Variants in RORA observed in about 807,000 individuals in gnomAD.
The protein encoded by RORA is nuclear receptor ROR-alpha.
RORA carries 7 observed loss-of-function variants against 69.5 expected under a neutral mutation model. The observed-to-expected ratio is 0.10, with a 90% CI of 0.06 to 0.19. RORA has a LOEUF of 0.19. Among genes scored for constraint, RORA ranks in the 10% least tolerant of loss-of-function variants. The pLI is 1.00. For missense variants in RORA, 457 were observed against 663.0 expected, an observed-to-expected ratio of 0.69 and a Z score of 3.41; for synonymous variants, 261 against 240.8, an observed-to-expected ratio of 1.08 and a Z score of -0.78.
At chr15:60,763,804 G>A (rs964610523) in intron 1 of RORA, 1 of 152,246 alleles carries the variant, frequency 6.6e-6, no homozygotes, top group Non-Finnish European at 1.5e-5. Context: ...CACCTCCGGA[G>A]GCTTTTATTT....
chr15:60,702,312 A>G (rs995912872), intron 1 of RORA, among the ~76,000 whole-genome samples: 44 of 152,142 alleles, frequency 2.9e-4, no homozygotes, highest in African/African-American at 1.1e-3. Flanking sequence ...TGCAACCTCA[A>G]CCTCTGCCTC....
chr15:60,540,336 T>C (rs2066822015), intron 2 of RORA, among the ~76,000 whole-genome samples: 1 of 152,214 alleles, frequency 6.6e-6, no homozygotes, highest in African/African-American at 2.4e-5. Flanking sequence ...TTTAAAACCA[T>C]ACCAAATCTG....
intron 1 of RORA, among the ~76,000 whole-genome samples, chr15:60,923,077 C>T (rs1476608161): frequency 6.6e-6 from 1 of 152,170 alleles, no homozygotes; most frequent in Non-Finnish European, 1.5e-5. Context: ...ACTTTTTGCA[C>T]TTTGTATCTT....
At chr15:60,834,362 C>T (rs1434203213) in intron 1 of RORA, among the ~76,000 whole-genome samples, 2 of 152,146 alleles carry the variant, frequency 1.3e-5, no homozygotes, top group Non-Finnish European at 2.9e-5. Flanking sequence ...AGGTTAGTTC[C>T]TGTGAACAGC....
intron 1 of RORA, among the ~76,000 whole-genome samples, chr15:61,036,317 T>G (rs1024801848): frequency 6.6e-6 from 1 of 152,116 alleles, no homozygotes; most frequent in Non-Finnish European, 1.5e-5. Flanking sequence ...TTAGAGGAAG[T>G]AGAGGTTTGC....
chr15:60,603,755 C>G (rs111849930), intron 2 of RORA, among the ~76,000 whole-genome samples: 15 of 152,210 alleles, frequency 9.9e-5, no homozygotes, highest in African/African-American at 3.4e-4. Context: ...AGACATATCA[C>G]AATCTTCTCG....
At chr15:60,651,121 G>T (rs560979752) in intron 2 of RORA, among the ~76,000 whole-genome samples, 1 of 152,110 alleles carries the variant, frequency 6.6e-6, no homozygotes, top group Non-Finnish European at 1.5e-5. Flanking sequence ...ATTAGGGAGC[G>T]GATGTGAGGC....
At chr15:61,008,418 A>G (rs1472495758) in intron 1 of RORA, among the ~76,000 whole-genome samples, 4 of 152,142 alleles carry the variant, frequency 2.6e-5, no homozygotes, top group Non-Finnish European at 5.9e-5. Context: ...CAAGCCAGGT[A>G]TATCAGCTGG....
chr15:61,207,540 A>G (rs573239542), intron 1 of RORA, among the ~76,000 whole-genome samples: 1 of 152,340 alleles, frequency 6.6e-6, no homozygotes, highest in East Asian at 1.9e-4. Flanking sequence ...TGTCTTCTCT[A>G]TGGTTTCTCT....
intron 1 of RORA, among the ~76,000 whole-genome samples, chr15:60,855,132 A>G (rs2140418397): frequency 6.6e-6 from 1 of 152,346 alleles, no homozygotes; most frequent in South Asian, 2.1e-4. Flanking sequence ...ATTAGCCCGC[A>G]TATAACTTCT....
chr15:60,921,286 C>G (rs1258687969), intron 1 of RORA, among the ~76,000 whole-genome samples: 2 of 152,168 alleles, frequency 1.3e-5, no homozygotes, highest in Non-Finnish European at 2.9e-5. Flanking sequence ...ACCACTAATT[C>G]CATCCCTAAC....
At chr15:61,204,818 C>A (rs2079925897) in intron 1 of RORA, among the ~76,000 whole-genome samples, 1 of 152,214 alleles carries the variant, frequency 6.6e-6, no homozygotes, top group South Asian at 2.1e-4. Context: ...TGTGCGTGAA[C>A]AGGTCTAAGA....
chr15:60,560,754 G>T lies in RORA; in HGVS notation c.197-28903C>A, dbSNP rs116084442. Among the ~76,000 whole-genome samples the T allele has an allele frequency of 4.7e-3, 716 of 152,296 alleles. 9 individuals are homozygous for T. The highest frequency in any genetic ancestry group is 0.017 in the African/African-American group (689 of 41,554). On this transcript the variant is annotated intron_variant, in intron 2 of 10. Transcript: ENST00000335670. ...ATGACTTTCTTCTTCTAATGTGGCT[G>T]CCTGGGCAATTTGTCCATTTTTTCC... is the stretch of plus-strand genomic sequence containing the variant.
chr15:61,165,317 T>C (rs2079531942), intron 1 of RORA, among the ~76,000 whole-genome samples: 1 of 152,198 alleles, frequency 6.6e-6, no homozygotes, highest in Non-Finnish European at 1.5e-5. Context: ...GCAGGAATCA[T>C]AGCCCCATCT....
At chr15:60,978,704 T>C (rs1893945482) in intron 1 of RORA, among the ~76,000 whole-genome samples, 1 of 152,194 alleles carries the variant, frequency 6.6e-6, no homozygotes, top group African/African-American at 2.4e-5. Context: ...TTGTACATAG[T>C]ATGAGGTAAG....
Position 60,511,860 on chromosome 15 carries a change from G to A in RORA, c.425-239C>T, listed in dbSNP as rs1222998116. The stretch of plus-strand genomic sequence containing the variant: ...TGTTTCAGAAAGAGGCCTGGTGCAG[G>A]TAGGAGGGGCCCAGAGAGATGCCAC... On this transcript the variant is annotated intron_variant, in intron 4 of 10. Transcript: ENST00000335670. This position sits in a 1 kb window ranked among gnomAD's most constrained non-coding sequence, Gnocchi z 6.4. 2.6e-5 allele frequency among the ~76,000 whole-genome samples: 4 copies of A among 152,090 alleles called. No homozygotes were observed. Among genetic ancestry groups the A allele is most frequent in the Admixed American group, 6.5e-5 (1 of 15,268 alleles).
At chr15:61,084,381 A>G (rs560805518) in intron 1 of RORA, among the ~76,000 whole-genome samples, 2 of 152,272 alleles carry the variant, frequency 1.3e-5, no homozygotes, top group Admixed American at 1.3e-4. Context: ...CAAATTGCAT[A>G]CCCTCTCTAG....
rs115234468 is a variant in RORA, at chr15:60,596,587, C to G, written c.197-64736G>C. Among the ~76,000 whole-genome samples, 1,497 of 152,064 alleles carry G rather than the reference C, an allele frequency of 9.8e-3. 28 individuals are homozygous for G. The highest frequency in any genetic ancestry group is 0.035 in the African/African-American group (1,444 of 41,422). On this transcript the variant is annotated intron_variant, in intron 2 of 10. Transcript: ENST00000335670. ...CAAACTAACCTAGAAGAGATCACAG[C>G]CTTGCTTAAATATGAGTCCAGAAGG...
intron 5 of RORA, among the ~76,000 whole-genome samples, chr15:60,507,319 CT>C (rs1212455427): frequency 6.6e-6 from 1 of 152,122 alleles, no homozygotes; most frequent in East Asian, 1.9e-4. Context: ...GGGAGAATAT[CT>C]TTTTGTTTGG....
Sources: allele counts gnomAD v4.1 joint callset (sites outside exome capture counted in the v4.1 genomes callset), GRCh38; gene constraint gnomAD v4.1.1; non-coding constraint Gnocchi (gnomAD v3.1); transcripts MANE v1.5; gene names NCBI Gene and HGNC (gene_info 2026-07-23, HGNC 2026-07-21).